TOMM7: variants seen among roughly 807,000 people sequenced by gnomAD.
TOMM7 encodes translocase of outer mitochondrial membrane 7.
Under a neutral mutation model 9.5 loss-of-function variants are expected in TOMM7, and 8 were observed. The ratio of observed to expected loss-of-function variants is 0.84; its 90% CI spans 0.49 to 1.51. The LOEUF is 1.51. TOMM7 is among the 40% of genes most tolerant of loss of function. The pLI, the probability that TOMM7 is intolerant of heterozygous loss-of-function variation, is 0.00. For missense variants in TOMM7, 74 were observed against 63.7 expected (o/e 1.16, Z -0.55); for synonymous variants, 27 against 21.4 (o/e 1.26, Z -0.72).
At chr7:22,822,112 T>C in intron 1 of TOMM7, 1 of 1,547,054 alleles carries the variant, frequency 6.5e-7, no homozygotes, top group East Asian at 2.4e-5. Flanking sequence ...AGCATAGCTG[T>C]GCGACCTTGG....
chr7:22,821,426 A>C (rs1169772231), intron 1 of TOMM7, among the ~76,000 whole-genome samples: 3 of 148,638 alleles, frequency 2.0e-5, no homozygotes. Flanking sequence ...AAAAAAAAGA[A>C]AAAGAAAAAA....
Position 22,813,220 on chromosome 7 carries a change from T to A in TOMM7, c.153-35A>T, listed in dbSNP as rs374397927. 48 of 1,599,464 alleles carry A rather than the reference T, an allele frequency of 3.0e-5. No individual in the cohort carries two copies. The African/African-American group carries it at 6.1e-4, about 20-fold the overall frequency. Reference sequence around the variant, plus strand: ...TTGTGAAGAGAAGAAAGAAATTAAATTCCGAAATAAAAATCTTCTAGACAT... The same window carrying A: ...TTGTGAAGAGAAGAAAGAAATTAAAATCCGAAATAAAAATCTTCTAGACAT... On this transcript the variant is annotated intron_variant, in intron 2 of 2. Transcript: ENST00000358435.
At chr7:22,820,670 T>C (rs1782375450) in intron 1 of TOMM7, among the ~76,000 whole-genome samples, 2 of 152,102 alleles carry the variant, frequency 1.3e-5, no homozygotes, top group South Asian at 2.1e-4. Flanking sequence ...CCAGCCAGAG[T>C]AGGCCCTTCT....
intron 2 of TOMM7, among the ~76,000 whole-genome samples, chr7:22,816,815 G>A (rs967504935): frequency 6.6e-6 from 1 of 152,200 alleles, no homozygotes; most frequent in Admixed American, 6.5e-5. Flanking sequence ...TGGAAAGAAT[G>A]TGAGCTTTGG....
At chr7:22,816,128 T>C (rs1010989220) in intron 2 of TOMM7, among the ~76,000 whole-genome samples, 1 of 152,220 alleles carries the variant, frequency 6.6e-6, no homozygotes, top group African/African-American at 2.4e-5. Flanking sequence ...AAAATTACTA[T>C]TAATAGTTTA....
rs1294795199 is a variant in TOMM7 at position 22,817,715 on chromosome 7, G to C, written c.152+285C>G. On this transcript the variant is annotated intron_variant, in intron 2 of 2. Coordinates refer to ENST00000358435, the MANE Select transcript of TOMM7 (RefSeq NM_019059.5). ...TAAAAGGTTGTATTCATCTGAATGA[G>C]GATAAGACGGGAATATGAGAAATTT... The C allele has an allele frequency of 9.6e-6, 3 of 313,498 alleles. No homozygotes were observed. The East Asian group carries it at 2.0e-4, about 21-fold the overall frequency. 19.4% of individuals were successfully genotyped at this position (313,498 alleles called of 1,614,324 possible).
At chr7:22,820,526 A>G (rs1304529460) in intron 1 of TOMM7, among the ~76,000 whole-genome samples, 1 of 152,220 alleles carries the variant, frequency 6.6e-6, no homozygotes, top group African/African-American at 2.4e-5. Flanking sequence ...GCAAAAAACC[A>G]AAGGGACACA....
rs1010824516 is a variant in TOMM7, at chr7:22,820,951, G to A, written c.103+1726C>T. On this transcript the variant is annotated intron_variant, in intron 1 of 2. Coordinates refer to ENST00000358435, the MANE Select transcript of TOMM7 (RefSeq NM_019059.5). ...GTGTACTTTATCTTATACAATGCAT[G>A]ACACCTAAATTAAATAGGAAGCAGC... is the stretch of plus-strand genomic sequence containing the variant. 5.9e-5 allele frequency among the ~76,000 whole-genome samples: 9 copies of A among 152,228 alleles called. No individual in the cohort carries two copies. The East Asian group carries it at 1.7e-3, about 29-fold the overall frequency.
At chr7:22,816,264 G>C (rs1198030982) in intron 2 of TOMM7, among the ~76,000 whole-genome samples, 3 of 152,182 alleles carry the variant, frequency 2.0e-5, no homozygotes, top group African/African-American at 7.2e-5. Context: ...AGCTTAGAAA[G>C]GTTAATGGCT....
chr7:22,822,791 T>A lies in TOMM7; in HGVS notation c.-12A>T. ...CTCAGCTTCACCATGGCGACGGCCG[T>A]GTGGCGCAGGGAGGACCCCTTACAG... On this transcript the variant is annotated 5_prime_UTR_variant, in exon 1 of 3. Transcript: ENST00000358435. The A allele has an allele frequency of 6.2e-7, 1 of 1,612,176 alleles. No homozygotes were observed. Among genetic ancestry groups the A allele is most frequent in the East Asian group, 2.2e-5 (1 of 44,866 alleles).
At chr7:22,820,592 C>G (rs4722188) in intron 1 of TOMM7, among the ~76,000 whole-genome samples, 64,418 of 151,860 alleles carry the variant, frequency 0.42, 15,082 homozygotes, top group East Asian at 0.67. Context: ...AAAGGTGGCA[C>G]AAAGAAGGGG....
At chr7:22,821,188 G>C (rs540589174) in intron 1 of TOMM7, among the ~76,000 whole-genome samples, 1 of 151,644 alleles carries the variant, frequency 6.6e-6, no homozygotes, top group East Asian at 2.0e-4. Context: ...GAGGCGGGCG[G>C]ATCACGAGGT....
chr7:22,818,446 T>G (rs1172344633), intron 1 of TOMM7: 1 of 159,628 alleles, frequency 6.3e-6, no homozygotes, highest in East Asian at 1.8e-4. Flanking sequence ...CCCAGCTAAA[T>G]TTTTTTGTAT....
rs1202184368 is a variant in TOMM7, at chr7:22,822,718, A to G, written c.62T>C (p.Phe21Ser). ...RLQQLFKGSQ[F>S]AIRWGFIPLV... is the part of the protein sequence containing the mutation. The stretch of plus-strand genomic sequence containing the variant: ...AGGGATAAAGCCCCAGCGAATGGCA[A>G]ACTGGCTCCCCTTGAAGAGCTGCTG... Residue 21 changes from phenylalanine to serine, a missense_variant, in exon 1 of 3, where the codon TTT becomes TCT. By Grantham distance (155) the Phe-to-Ser change is radical (BLOSUM62 -2). Coordinates refer to ENST00000358435, the MANE Select transcript of TOMM7 (RefSeq NM_019059.5). 1 of 1,614,108 alleles carries G rather than the reference A, an allele frequency of 6.2e-7. No homozygotes were observed. Among genetic ancestry groups the G allele is most frequent in the East Asian group, 2.2e-5 (1 of 44,894 alleles).
At chr7:22,818,443 A>G (rs566507051) in intron 1 of TOMM7, 155 of 160,066 alleles carry the variant, frequency 9.7e-4, no homozygotes, top group Non-Finnish European at 1.5e-3. Flanking sequence ...ACACCCAGCT[A>G]AATTTTTTTG....
intron 1 of TOMM7, among the ~76,000 whole-genome samples, chr7:22,820,805 G>GT (rs1200421365): frequency 1.3e-5 from 2 of 152,026 alleles, no homozygotes; most frequent in Non-Finnish European, 2.9e-5. Context: ...GAAAAGTAAT[G>GT]TTTTTTTAAA....
chr7:22,813,198 TGAAGA>T lies in TOMM7; in HGVS notation c.153-18_153-14del, dbSNP rs1378536020. The T allele has an allele frequency of 3.1e-6, 5 of 1,609,382 alleles. No homozygotes were observed. The African/African-American group carries it at 4.0e-5, about 13-fold the overall frequency. ...TCCCCAAAGTAGGCTAAAATGTTTG[TGAAGA>T]GAAGAAAGAAATTAAATTCCGAAAT... On this transcript the variant is annotated splice_polypyrimidine_tract_variant and intron_variant, in intron 2 of 2. Transcript: ENST00000358435.
chr7:22,813,227 AT>A, intron 2 of TOMM7, 42 bp from the exon 3 acceptor site: 2 of 1,591,178 alleles, frequency 1.3e-6, no homozygotes, highest in South Asian at 2.2e-5. Flanking sequence ...AAATTCCGAA[AT>A]AAAAATCTTC....
chr7:22,821,930 G>C (rs942829019), intron 1 of TOMM7, among the ~76,000 whole-genome samples: 3 of 151,244 alleles, frequency 2.0e-5, no homozygotes, highest in Non-Finnish European at 4.4e-5. Flanking sequence ...AGCACAGGAG[G>C]GGAAGGTTGC....
Sources: gnomAD v4.1 joint callset for allele counts (sites outside exome capture counted in the v4.1 genomes callset) on GRCh38, gnomAD v4.1.1 for gene constraint, MANE v1.5 for transcripts, NCBI Gene and HGNC (gene_info 2026-07-23, HGNC 2026-07-21) for gene names.